TMEM108: variants seen among roughly 807,000 people sequenced by gnomAD.
TMEM108 encodes the protein transmembrane protein 108.
TMEM108 carries 12 observed loss-of-function variants against 35.1 expected under a neutral mutation model. That is an observed-to-expected ratio of 0.34 (90% confidence interval 0.22 to 0.55). TMEM108 has a LOEUF of 0.55. TMEM108 is among the 20% of genes least tolerant of loss of function. TMEM108 has a pLI of 0.89. For missense variants in TMEM108, 680 were observed against 753.3 expected (o/e 0.90, Z 1.14); for synonymous variants, 287 against 308.6 (o/e 0.93, Z 0.73).
chr3:133,385,313 G>C (rs2073119647), intron 4 of TMEM108, among the ~76,000 whole-genome samples: 1 of 152,122 alleles, frequency 6.6e-6, no homozygotes, highest in Non-Finnish European at 1.5e-5. Flanking sequence ...TCCCCCAGCT[G>C]TTCCAGTGTT....
intron 3 of TMEM108, among the ~76,000 whole-genome samples, chr3:133,230,004 T>A (rs958113715): frequency 5.3e-5 from 8 of 152,242 alleles, no homozygotes; most frequent in Non-Finnish European, 8.8e-5. Context: ...TTAGAATTGC[T>A]ACTGAATGAA....
chr3:133,113,228 A>T (rs559206764), intron 2 of TMEM108, among the ~76,000 whole-genome samples: 1 of 152,318 alleles, frequency 6.6e-6, no homozygotes, highest in Admixed American at 6.5e-5. Context: ...TGTTAGAGGC[A>T]TGTGCACCTG....
chr3:133,284,980 T>C (rs983300295), intron 3 of TMEM108, among the ~76,000 whole-genome samples: 4 of 152,190 alleles, frequency 2.6e-5, no homozygotes, highest in African/African-American at 9.6e-5. Flanking sequence ...TATTTATTTG[T>C]TCTTGCCTCA....
At chr3:133,202,829 A>C (rs184500625) in intron 2 of TMEM108, among the ~76,000 whole-genome samples, 2 of 152,324 alleles carry the variant, frequency 1.3e-5, no homozygotes, top group East Asian at 3.9e-4. Context: ...TTCTGTGAAG[A>C]AAGTCAGTGG....
intron 2 of TMEM108, among the ~76,000 whole-genome samples, chr3:133,227,345 C>T (rs1296672501): frequency 2.6e-5 from 4 of 151,152 alleles, no homozygotes; most frequent in Non-Finnish European, 5.9e-5. Flanking sequence ...AGGCGCCCAC[C>T]ACCTCGCCCG....
chr3:133,395,826 T>G, intron 5 of TMEM108, 38 bp from the exon 6 acceptor site: 1 of 1,499,412 alleles, frequency 6.7e-7, no homozygotes. Flanking sequence ...TCTTAAGCCT[T>G]CTCCAGCTCA....
At chr3:133,266,013 T>G (rs574842059) in intron 3 of TMEM108, among the ~76,000 whole-genome samples, 1 of 151,906 alleles carries the variant, frequency 6.6e-6, no homozygotes, top group Admixed American at 6.5e-5. Context: ...ACTGACAAAC[T>G]TATATGCTAC....
chr3:133,156,236 C>A (rs1559850231), intron 2 of TMEM108, among the ~76,000 whole-genome samples: 1 of 152,068 alleles, frequency 6.6e-6, no homozygotes, highest in Non-Finnish European at 1.5e-5. Flanking sequence ...TCAACTAAGA[C>A]AACCTTACAA....
At chr3:133,097,271 A>G (rs955410820) in intron 2 of TMEM108, among the ~76,000 whole-genome samples, 3 of 152,248 alleles carry the variant, frequency 2.0e-5, no homozygotes, top group African/African-American at 7.2e-5. Context: ...ATGAATTTCA[A>G]GTATACTTGG....
intron 2 of TMEM108, among the ~76,000 whole-genome samples, chr3:133,164,594 C>A (rs1945009768): frequency 6.6e-6 from 1 of 152,168 alleles, no homozygotes; most frequent in Non-Finnish European, 1.5e-5. Context: ...AAACACTTAA[C>A]CTGATGTTGT....
chr3:133,298,645 A>T (rs1947177802), intron 3 of TMEM108, among the ~76,000 whole-genome samples: 1 of 152,136 alleles, frequency 6.6e-6, no homozygotes, highest in Non-Finnish European at 1.5e-5. Context: ...GTTCATTCTC[A>T]TAATATTTAT....
At chr3:133,146,194 G>A (rs948152004) in intron 2 of TMEM108, among the ~76,000 whole-genome samples, 12 of 152,094 alleles carry the variant, frequency 7.9e-5, no homozygotes, top group South Asian at 2.1e-4. Flanking sequence ...GAGTTTTATT[G>A]AAGGCATTTT....
intron 1 of TMEM108, among the ~76,000 whole-genome samples, chr3:133,041,567 C>T (rs1461272744): frequency 1.3e-5 from 2 of 152,136 alleles, no homozygotes; most frequent in African/African-American, 4.8e-5. Flanking sequence ...TAACTGTTTA[C>T]ATAAGGTAGG....
chr3:133,285,900 T>G (rs1319299091), intron 3 of TMEM108, among the ~76,000 whole-genome samples: 2 of 152,242 alleles, frequency 1.3e-5, no homozygotes, highest in Non-Finnish European at 2.9e-5. Flanking sequence ...TTTCTATTTT[T>G]GTATTATAAC....
Position 133,397,766 on chromosome 3 carries a change from A to C in TMEM108, c.*1780A>C, listed in dbSNP as rs2073326024. 1 of 152,186 alleles carries C rather than the reference A, an allele frequency of 6.6e-6. No homozygotes were observed. Among genetic ancestry groups the C allele is most frequent in the African/African-American group, 2.4e-5 (1 of 41,450 alleles). 9.4% of individuals were successfully genotyped at this position (152,186 alleles called of 1,614,324 possible). On this transcript the variant is annotated 3_prime_UTR_variant, in exon 6 of 6. Transcript: ENST00000321871. ...TATATATAAATAAACTTATTTTATTAGCCAGAGGATTCTGTTGCTAATACA... is the reference window on the plus strand; with the variant it reads ...TATATATAAATAAACTTATTTTATTCGCCAGAGGATTCTGTTGCTAATACA...
At chr3:133,099,820 T>C (rs1488000308) in intron 2 of TMEM108, among the ~76,000 whole-genome samples, 1 of 152,196 alleles carries the variant, frequency 6.6e-6, no homozygotes, top group Admixed American at 6.5e-5. Flanking sequence ...TATCAGCATT[T>C]TTGTCAAAGC....
chr3:133,386,349 GCAATT>G, intron 4 of TMEM108: 1 of 1,510,126 alleles, frequency 6.6e-7, no homozygotes. Context: ...CCGGGAAAGA[GCAATT>G]CAATAGTTGT....
chr3:133,225,338 G>T (rs79362954), intron 2 of TMEM108, among the ~76,000 whole-genome samples: 18,368 of 152,022 alleles, frequency 0.12, 1,511 homozygotes, highest in East Asian at 0.39. Flanking sequence ...AAGCCACCGC[G>T]CCCAGCCCCT....
At chr3:133,122,707 C>T (rs772352662) in intron 2 of TMEM108, among the ~76,000 whole-genome samples, 4 of 151,670 alleles carry the variant, frequency 2.6e-5, no homozygotes, top group Non-Finnish European at 5.9e-5. Flanking sequence ...ACTAAAAATA[C>T]AAAAAATTAG....
Sources: gnomAD v4.1 joint callset for allele counts (sites outside exome capture counted in the v4.1 genomes callset) on GRCh38, gnomAD v4.1.1 for gene constraint, MANE v1.5 for transcripts, NCBI Gene and HGNC (gene_info 2026-07-23, HGNC 2026-07-21) for gene names.